COG5: variants seen among roughly 807,000 people sequenced by gnomAD.
COG5 encodes conserved oligomeric Golgi complex subunit 5.
A neutral mutation model predicts 110.4 loss-of-function variants in COG5; 86 were observed. That is an observed-to-expected ratio of 0.78 (90% confidence interval 0.65 to 0.93). The LOEUF (loss-of-function observed/expected upper bound fraction) is 0.93. COG5 is among the 40% of genes least tolerant of loss of function. The pLI is 0.00. For missense variants in COG5, 1,077 were observed against 987.0 expected, an observed-to-expected ratio of 1.09 and a Z score of -1.22; for synonymous variants, 360 against 334.6, an observed-to-expected ratio of 1.08 and a Z score of -0.83.
intron 6 of COG5, among the ~76,000 whole-genome samples, chr7:107,483,460 C>T (rs565350755): frequency 6.6e-5 from 10 of 152,238 alleles, no homozygotes; most frequent in African/African-American, 1.9e-4. Context: ...AATCTCAGCA[C>T]TTTGGGAGGC....
chr7:107,238,084 T>C (rs1384887563), intron 17 of COG5, among the ~76,000 whole-genome samples: 3 of 152,196 alleles, frequency 2.0e-5, no homozygotes, highest in African/African-American at 7.2e-5. Context: ...ATCATACTCA[T>C]CACCTTAAAT....
At chr7:107,210,048 T>C (rs1799053185) in intron 21 of COG5, 13 of 1,028,404 alleles carry the variant, frequency 1.3e-5, no homozygotes, top group Non-Finnish European at 1.5e-5. Context: ...TGTGAATGCA[T>C]TCATGGGGCA....
At chr7:107,497,488 C>T (rs974836700) in intron 6 of COG5, among the ~76,000 whole-genome samples, 1 of 152,158 alleles carries the variant, frequency 6.6e-6, no homozygotes, top group South Asian at 2.1e-4. Flanking sequence ...AGTGTCATTC[C>T]TATGTACCAA....
At chr7:107,509,815 G>A (rs1003222333) in intron 6 of COG5, among the ~76,000 whole-genome samples, 1 of 151,966 alleles carries the variant, frequency 6.6e-6, no homozygotes, top group African/African-American at 2.4e-5. Context: ...CATAAGTGAA[G>A]GGGAAATAAA....
At chr7:107,336,797 A>T (rs778871112) in intron 10 of COG5, among the ~76,000 whole-genome samples, 2 of 152,190 alleles carry the variant, frequency 1.3e-5, no homozygotes, top group Non-Finnish European at 2.9e-5. Flanking sequence ...GGCTACCGCT[A>T]CTACCACAGC....
chr7:107,321,901 C>T (rs1424215195), intron 11 of COG5, among the ~76,000 whole-genome samples: 1 of 152,090 alleles, frequency 6.6e-6, no homozygotes, highest in African/African-American at 2.4e-5. Context: ...CTTTGGAAGG[C>T]ACTGTTAAGA....
At chr7:107,207,953 TACA>T (rs1798895545) in intron 21 of COG5, 1 of 985,432 alleles carries the variant, frequency 1.0e-6, no homozygotes, top group Non-Finnish European at 1.2e-6. Context: ...AGAATGAGTA[TACA>T]ACAAGGTTTG....
intron 6 of COG5, among the ~76,000 whole-genome samples, chr7:107,452,355 C>T (rs1314943368): frequency 1.3e-5 from 2 of 152,128 alleles, no homozygotes; most frequent in East Asian, 1.9e-4. Flanking sequence ...TAATATTTGG[C>T]CCTATCTCTC....
intron 21 of COG5, among the ~76,000 whole-genome samples, chr7:107,207,544 T>C (rs905090732): frequency 6.6e-6 from 1 of 152,192 alleles, no homozygotes; most frequent in African/African-American, 2.4e-5. Context: ...CCAGAGTAAA[T>C]GGATTTGAGG....
chr7:107,370,462 C>T (rs183249565), intron 8 of COG5, among the ~76,000 whole-genome samples: 33 of 152,170 alleles, frequency 2.2e-4, no homozygotes, highest in Admixed American at 4.6e-4. Context: ...AGGAAACTAA[C>T]ATTAATACTG....
intron 12 of COG5, among the ~76,000 whole-genome samples, chr7:107,290,936 G>T: frequency 6.6e-6 from 1 of 152,116 alleles, no homozygotes. Flanking sequence ...GATTACAGGC[G>T]TCAGCCACCG....
chr7:107,453,001 C>A (rs908718913), intron 6 of COG5, among the ~76,000 whole-genome samples: 1 of 152,186 alleles, frequency 6.6e-6, no homozygotes, highest in African/African-American at 2.4e-5. Flanking sequence ...ATCTTTAGTA[C>A]TGCACTTACT....
intron 10 of COG5, among the ~76,000 whole-genome samples, chr7:107,331,840 CTT>C (rs750263117): frequency 0.19 from 24,720 of 131,276 alleles, 2,026 homozygotes; most frequent in Non-Finnish European, 0.21. Context: ...CTGCTTGCCT[CTT>C]TTTTTTTTTT....
chr7:107,249,945 T>C (rs1692825249), intron 16 of COG5, among the ~76,000 whole-genome samples: 4 of 151,984 alleles, frequency 2.6e-5, no homozygotes, highest in African/African-American at 7.3e-5. Context: ...CACAAGACAT[T>C]CAGTATATAT....
At chr7:107,433,678 A>G (rs904694151) in intron 6 of COG5, among the ~76,000 whole-genome samples, 1 of 152,218 alleles carries the variant, frequency 6.6e-6, no homozygotes, top group Admixed American at 6.5e-5. Flanking sequence ...TTAACTCAAA[A>G]TGGATCAAAG....
At chr7:107,443,048 T>G (rs1794814982) in intron 6 of COG5, among the ~76,000 whole-genome samples, 1 of 152,040 alleles carries the variant, frequency 6.6e-6, no homozygotes, top group African/African-American at 2.4e-5. Flanking sequence ...TAAACTAAAA[T>G]AAAATTACTT....
intron 19 of COG5, among the ~76,000 whole-genome samples, chr7:107,214,282 A>C (rs1799368088): frequency 6.6e-6 from 1 of 152,198 alleles, no homozygotes; most frequent in South Asian, 2.1e-4. Context: ...AAGAACTTGC[A>C]ATATGGCTAC....
At chr7:107,310,756 A>G (rs1402988256) in intron 11 of COG5, among the ~76,000 whole-genome samples, 1 of 152,196 alleles carries the variant, frequency 6.6e-6, no homozygotes. Context: ...TCCCAAAAGA[A>G]GAGGCAAGGG....
At chr7:107,501,270 T>C (rs1367505295) in intron 6 of COG5, among the ~76,000 whole-genome samples, 1 of 152,020 alleles carries the variant, frequency 6.6e-6, no homozygotes, top group Non-Finnish European at 1.5e-5. Flanking sequence ...ACTTGAGAAC[T>C]ATTGGCATAA....
Sources: gnomAD v4.1 joint callset for allele counts (sites outside exome capture counted in the v4.1 genomes callset) on GRCh38, gnomAD v4.1.1 for gene constraint, MANE v1.5 for transcripts, NCBI Gene and HGNC (gene_info 2026-07-23, HGNC 2026-07-21) for gene names.